SEMA6D: variants seen among roughly 807,000 people sequenced by gnomAD.
The protein encoded by SEMA6D is semaphorin 6D.
In SEMA6D, 35 loss-of-function variants were observed where a neutral mutation model predicts 106.6. The observed-to-expected ratio is 0.33, with a 90% CI of 0.25 to 0.44. The LOEUF is 0.44. Among genes scored for constraint, SEMA6D ranks in the 20% least tolerant of loss-of-function variants. SEMA6D has a pLI of 1.00. For synonymous variants in SEMA6D, 499 were observed against 487.7 expected, an observed-to-expected ratio of 1.02 and a Z score of -0.31; for missense variants, 1,185 against 1,345.9, an observed-to-expected ratio of 0.88 and a Z score of 1.87.
chr15:47,260,716 T>C (rs1475414849), intron 1 of SEMA6D, among the ~76,000 whole-genome samples: 1 of 152,086 alleles, frequency 6.6e-6, no homozygotes, highest in Non-Finnish European at 1.5e-5. Flanking sequence ...GTGTTGGTGA[T>C]TGTCCTGGTA....
At chr15:47,276,707 T>C (rs1367272277) in intron 1 of SEMA6D, among the ~76,000 whole-genome samples, 1 of 152,208 alleles carries the variant, frequency 6.6e-6, no homozygotes, top group Non-Finnish European at 1.5e-5. Flanking sequence ...AGGAGGTTAA[T>C]GTTTTCATGC....
At chr15:47,755,947 G>A (rs2081702597) in intron 1 of SEMA6D, among the ~76,000 whole-genome samples, 1 of 151,728 alleles carries the variant, frequency 6.6e-6, no homozygotes, top group Admixed American at 6.6e-5. Context: ...ATGGGACTAA[G>A]CTCCATGTAC....
intron 4 of SEMA6D, among the ~76,000 whole-genome samples, chr15:47,708,443 A>G (rs2146026114): frequency 6.6e-6 from 1 of 152,306 alleles, no homozygotes; most frequent in Non-Finnish European, 1.5e-5. Flanking sequence ...GCCCCACATC[A>G]TGAAGCTTTT....
chr15:47,205,573 G>A (rs1040237753), intron 1 of SEMA6D, among the ~76,000 whole-genome samples: 1 of 152,046 alleles, frequency 6.6e-6, no homozygotes. Context: ...TTATAAAAAT[G>A]ATTACTATCA....
At chr15:47,278,726 C>G (rs928094780) in intron 1 of SEMA6D, among the ~76,000 whole-genome samples, 21 of 151,276 alleles carry the variant, frequency 1.4e-4, no homozygotes, top group African/African-American at 3.4e-4. Context: ...AGGTTTTCTT[C>G]TAGGGTTTTT....
intron 1 of SEMA6D, among the ~76,000 whole-genome samples, chr15:47,326,779 G>A (rs2037150461): frequency 6.6e-6 from 1 of 152,150 alleles, no homozygotes; most frequent in South Asian, 2.1e-4. Flanking sequence ...TGTCAGCGGA[G>A]AAAGAAATTC....
intron 3 of SEMA6D, among the ~76,000 whole-genome samples, chr15:47,557,610 A>C (rs1162793979): frequency 6.6e-6 from 1 of 152,160 alleles, no homozygotes; most frequent in Non-Finnish European, 1.5e-5. Context: ...CCCCTCATGA[A>C]GCAGAACTGA....
At chr15:47,701,727 A>C (rs1432772019) in intron 4 of SEMA6D, among the ~76,000 whole-genome samples, 1 of 152,222 alleles carries the variant, frequency 6.6e-6, no homozygotes, top group Admixed American at 6.5e-5. Flanking sequence ...AGCATAGCGA[A>C]AATTTCCTCA....
chr15:47,423,402 C>T (rs2041232415), intron 2 of SEMA6D, among the ~76,000 whole-genome samples: 1 of 152,046 alleles, frequency 6.6e-6, no homozygotes, highest in African/African-American at 2.4e-5. Context: ...CTTTCTTGTT[C>T]TTAGAATTAT....
intron 1 of SEMA6D, among the ~76,000 whole-genome samples, chr15:47,351,616 C>T (rs1305251367): frequency 2.6e-5 from 4 of 152,122 alleles, no homozygotes; most frequent in Non-Finnish European, 4.4e-5. Context: ...TAGACTGTCC[C>T]TCAAACCTGC....
chr15:47,692,249 G>A (rs1399483299), intron 4 of SEMA6D, among the ~76,000 whole-genome samples: 1 of 152,154 alleles, frequency 6.6e-6, no homozygotes, highest in Non-Finnish European at 1.5e-5. Context: ...ATTGGTGGTA[G>A]AAAGGTACTT....
Position 47,771,185 on chromosome 15 carries a change from T to C in SEMA6D, c.2622T>C (p.Asp874=). 1 of 1,614,098 alleles carries C rather than the reference T, an allele frequency of 6.2e-7. No homozygotes were observed. Among genetic ancestry groups the C allele is most frequent in the Non-Finnish European group, 8.5e-7 (1 of 1,179,994 alleles). The change falls in exon 19 of 19, where the codon GAT becomes GAC. Residue 874 remains aspartate (D), a synonymous_variant. Transcript: ENST00000536845. The stretch of plus-strand genomic sequence containing the variant: ...AGAGAGATCACCGGCGTTCTGTTGA[T>C]TCCAGAAATACCCTCAATGATCTCC... The part of the protein sequence containing the change: ...SSKRDHRRSV[D]SRNTLNDLLK...
chr15:47,499,013 T>A (rs985646259), intron 3 of SEMA6D, among the ~76,000 whole-genome samples: 1 of 152,196 alleles, frequency 6.6e-6, no homozygotes, highest in Non-Finnish European at 1.5e-5. Flanking sequence ...AATTAATAAC[T>A]GTATAAAGTA....
intron 1 of SEMA6D, among the ~76,000 whole-genome samples, chr15:47,373,225 A>G (rs940194146): frequency 1.3e-5 from 2 of 152,164 alleles, no homozygotes; most frequent in African/African-American, 4.8e-5. Context: ...TGCTGTTGAT[A>G]TGGCCCCCCA....
At chr15:47,629,435 T>C (rs956557452) in intron 4 of SEMA6D, among the ~76,000 whole-genome samples, 1 of 151,964 alleles carries the variant, frequency 6.6e-6, no homozygotes, top group Non-Finnish European at 1.5e-5. Flanking sequence ...TTTAAGGTTT[T>C]TTTCTCCTTT....
At chr15:47,203,841 TA>T (rs2141110957) in intron 1 of SEMA6D, among the ~76,000 whole-genome samples, 1 of 152,356 alleles carries the variant, frequency 6.6e-6, no homozygotes, top group African/African-American at 2.4e-5. Flanking sequence ...CACACATTCC[TA>T]TTTGTTTATT....
chr15:47,539,781 C>T (rs1392495070), intron 3 of SEMA6D, among the ~76,000 whole-genome samples: 1 of 152,134 alleles, frequency 6.6e-6, no homozygotes, highest in African/African-American at 2.4e-5. Context: ...GTGGGAAGCA[C>T]AGATACAACT....
At chr15:47,219,561 G>A (rs2030992460) in intron 1 of SEMA6D, among the ~76,000 whole-genome samples, 1 of 152,036 alleles carries the variant, frequency 6.6e-6, no homozygotes, top group African/African-American at 2.4e-5. Flanking sequence ...AGTTTTTTAT[G>A]CCATGTTCAT....
At chr15:47,355,995 C>T (rs1456735826) in intron 1 of SEMA6D, among the ~76,000 whole-genome samples, 1 of 152,138 alleles carries the variant, frequency 6.6e-6, no homozygotes, top group Non-Finnish European at 1.5e-5. Context: ...TTTCAGAGCT[C>T]CAAAGAGGGA....
Sources: allele counts gnomAD v4.1 joint callset (sites outside exome capture counted in the v4.1 genomes callset), GRCh38; gene constraint gnomAD v4.1.1; transcripts MANE v1.5; gene names NCBI Gene and HGNC (gene_info 2026-07-23, HGNC 2026-07-21).